TESC: variants seen among roughly 807,000 people sequenced by gnomAD.
TESC encodes the protein calcineurin B homologous protein 3.
TESC carries 19 observed loss-of-function variants against 31.0 expected under a neutral mutation model. The observed-to-expected ratio is 0.61, with a 90% confidence interval of 0.43 to 0.90. TESC has a LOEUF of 0.90. TESC is among the 40% of genes least tolerant of loss of function. TESC has a pLI of 0.00. For synonymous variants in TESC, 109 were observed against 114.8 expected (o/e 0.95, Z 0.32); for missense variants, 248 against 303.8 (o/e 0.82, Z 1.36).
chr12:117,086,580 A>C (rs531109555), intron 1 of TESC, among the ~76,000 whole-genome samples: 4 of 151,928 alleles, frequency 2.6e-5, no homozygotes, highest in Admixed American at 6.6e-5. Flanking sequence ...CTACAGGTGC[A>C]CACCACAGCA....
chr12:117,080,743 A>G (rs928922411), intron 1 of TESC, among the ~76,000 whole-genome samples: 8 of 152,064 alleles, frequency 5.3e-5, no homozygotes, highest in Non-Finnish European at 8.8e-5. Context: ...GCTTCCTCCT[A>G]ACTGCGCCCC....
At chr12:117,041,044 G>A (rs1252134623) in intron 7 of TESC, among the ~76,000 whole-genome samples, 1 of 140,920 alleles carries the variant, frequency 7.1e-6, no homozygotes, top group African/African-American at 2.5e-5. Flanking sequence ...GGGGGAGGGG[G>A]ATGGGGACAG....
chr12:117,046,938 A>C lies in TESC; in HGVS notation c.350-100T>G, dbSNP rs1410387301. 3.9e-6 allele frequency: 5 copies of C among 1,271,468 alleles called. No homozygotes were observed. The East Asian group carries it at 1.0e-4, about 26-fold the overall frequency. The allele number at this position is 1,271,468 out of a possible 1,614,324, so 78.8% of individuals were successfully genotyped here. On this transcript the variant is annotated intron_variant, in intron 4 of 7. Coordinates refer to ENST00000335209, the MANE Select transcript of TESC (RefSeq NM_017899.4). ...ACTAAGCAAAAGACACCAATAACCA[A>C]ACCTCAATGCCAAAGCCAGAGGGGT...
chr12:117,099,284 G>C lies in TESC; in HGVS notation c.-2C>G. The C allele has an allele frequency of 1.4e-6, 2 of 1,440,080 alleles. No individual in the cohort carries two copies. Among genetic ancestry groups the C allele is most frequent in the Non-Finnish European group, 1.8e-6 (2 of 1,102,750 alleles). The allele number at this position is 1,440,080 out of a possible 1,614,324, so 89.2% of individuals were successfully genotyped here. A position where few individuals can be genotyped will look rare whatever the true frequency, so the allele number is the denominator to read the frequency against. On this transcript the variant is annotated 5_prime_UTR_variant, in exon 1 of 8. Transcript: ENST00000335209. ...AGACGCGGAGTGGGCAGCGCCCATGGTGCCCGCGGCGGGGGCCCCGGGGCG... is the reference window on the plus strand; with the variant it reads ...AGACGCGGAGTGGGCAGCGCCCATGCTGCCCGCGGCGGGGGCCCCGGGGCG...
chr12:117,075,325 A>T lies in TESC; in HGVS notation c.74T>A (p.Ile25Asn). Residue 25 changes from isoleucine (I) to asparagine (N), a missense_variant, in exon 2 of 8, where the codon ATC becomes AAC. By Grantham distance (149) the Ile-to-Asn change is moderately radical. Coordinates refer to ENST00000335209, the MANE Select transcript of TESC (RefSeq NM_017899.4). Reference sequence around the variant, plus strand: ...CTTAAATCTCCGATGGAGCTGCTCGATCTGATCCGATGAGACTGAGAAGTG... The same window carrying T: ...CTTAAATCTCCGATGGAGCTGCTCGTTCTGATCCGATGAGACTGAGAAGTG... ...EGKTGFSSDQ[I>N]EQLHRRFKQL... The T allele has an allele frequency of 6.2e-7, 1 of 1,610,710 alleles. No homozygotes were observed. Among genetic ancestry groups the T allele is most frequent in the Non-Finnish European group, 8.5e-7 (1 of 1,179,840 alleles).
intron 1 of TESC, among the ~76,000 whole-genome samples, chr12:117,083,662 C>G (rs1163019220): frequency 1.3e-5 from 2 of 152,176 alleles, no homozygotes; most frequent in East Asian, 1.9e-4. Flanking sequence ...GTGTATGATC[C>G]CATTTACACG....
intron 1 of TESC, among the ~76,000 whole-genome samples, chr12:117,075,913 ATGTGTG>A (rs1172157385): frequency 1.9e-5 from 1 of 51,960 alleles, no homozygotes; most frequent in African/African-American, 1.0e-4. Flanking sequence ...ATATATATAT[ATGTGTG>A]TGTGTATATA....
Position 117,039,012 on chromosome 12 carries a change from C to A in TESC, c.*121G>T. 2.8e-6 allele frequency: 3 copies of A among 1,060,746 alleles called. No individual in the cohort carries two copies. The highest frequency in any genetic ancestry group is 2.8e-6 in the Non-Finnish European group (2 of 709,796). 65.7% of individuals were successfully genotyped at this position (1,060,746 alleles called of 1,614,324 possible). A position where few individuals can be genotyped will look rare whatever the true frequency, so the allele number is the denominator to read the frequency against. ...CCCTACAAGACACAAGGTGCGCAGA[C>A]GAGCCTTGGCTATGTACCGGCGCTG... On this transcript the variant is annotated 3_prime_UTR_variant, in exon 8 of 8. Transcript: ENST00000335209.
intron 1 of TESC, among the ~76,000 whole-genome samples, chr12:117,098,091 G>C (rs1048848002): frequency 9.9e-5 from 15 of 152,120 alleles, no homozygotes; most frequent in Admixed American, 9.8e-4. Flanking sequence ...TTTAGATTGG[G>C]GGTCAAGAGG....
At chr12:117,041,179 G>A (rs1236741445) in intron 7 of TESC, among the ~76,000 whole-genome samples, 1 of 152,210 alleles carries the variant, frequency 6.6e-6, no homozygotes, top group Non-Finnish European at 1.5e-5. Context: ...TCAGGGAGGA[G>A]GGCAGAGTGG....
chr12:117,040,676 G>A (rs113093070), intron 7 of TESC, among the ~76,000 whole-genome samples: 165 of 152,228 alleles, frequency 1.1e-3, no homozygotes, highest in South Asian at 4.6e-3. Context: ...CAGTCTGCCC[G>A]CCCTGCCAGC....
At chr12:117,076,447 G>C (rs930637370) in intron 1 of TESC, among the ~76,000 whole-genome samples, 1 of 152,062 alleles carries the variant, frequency 6.6e-6, no homozygotes, top group Admixed American at 6.5e-5. Flanking sequence ...ATTATCTCAG[G>C]TATTTTGTTT....
At position 117,054,769 on chromosome 12, in the gene TESC, C is replaced by T. The variant is rs111288537; in HGVS notation, c.209+2037G>A. On this transcript the variant is annotated intron_variant, in intron 3 of 7. Transcript: ENST00000335209. ...TCAAGACCCATCAGGGAAGCCCCCACGGTCTCATCACCACACCACGCCTGT... is the reference window on the plus strand; with the variant it reads ...TCAAGACCCATCAGGGAAGCCCCCATGGTCTCATCACCACACCACGCCTGT... Among the ~76,000 whole-genome samples, 944 of 152,288 alleles carry T rather than the reference C, an allele frequency of 6.2e-3. 6 individuals are homozygous for T. Among genetic ancestry groups the T allele is most frequent in the African/African-American group, 0.021 (868 of 41,562 alleles).
At chr12:117,073,244 T>G (rs1043453141) in intron 2 of TESC, among the ~76,000 whole-genome samples, 1 of 152,148 alleles carries the variant, frequency 6.6e-6, no homozygotes, top group African/African-American at 2.4e-5. Context: ...AACATTTGCA[T>G]GTCTGGTCTT....
At chr12:117,048,631 C>A in intron 4 of TESC, 1 of 452,124 alleles carries the variant, frequency 2.2e-6, no homozygotes, top group South Asian at 1.6e-5. Context: ...GTGCCAAAGG[C>A]TGACTGTGTG....
At chr12:117,076,534 T>A (rs7955319) in intron 1 of TESC, among the ~76,000 whole-genome samples, 5,017 of 151,902 alleles carry the variant, frequency 0.033, 312 homozygotes, top group African/African-American at 0.11. Context: ...CACCTCTGCC[T>A]CCGTGTTCCA....
At chr12:117,045,735 C>T (rs1013538722) in intron 6 of TESC, among the ~76,000 whole-genome samples, 4 of 152,236 alleles carry the variant, frequency 2.6e-5, no homozygotes, top group Non-Finnish European at 5.9e-5. Flanking sequence ...AACACAAAGC[C>T]GTCAGGGTGT....
chr12:117,040,359 G>A lies in TESC; in HGVS notation c.568-1149C>T, dbSNP rs190372010. On this transcript the variant is annotated intron_variant, in intron 7 of 7. Transcript: ENST00000335209. Reference sequence around the variant, plus strand: ...ACATGGTCGCTGAGGGCATTGGAAGGAATCAGGGAATGGGAAGGGCCAGCT... The same window carrying A: ...ACATGGTCGCTGAGGGCATTGGAAGAAATCAGGGAATGGGAAGGGCCAGCT... 7.9e-5 allele frequency among the ~76,000 whole-genome samples: 12 copies of A among 152,306 alleles called. No individual in the cohort carries two copies. In the East Asian group the frequency reaches 2.3e-3, roughly 29 times the overall value.
chr12:117,098,332 A>T (rs2135812063), intron 1 of TESC: 1 of 152,678 alleles, frequency 6.5e-6, no homozygotes, highest in East Asian at 1.9e-4. Context: ...ACAGCCAGGA[A>T]GTGCAGCTGG....
Sources: allele counts gnomAD v4.1 joint callset (sites outside exome capture counted in the v4.1 genomes callset), GRCh38; gene constraint gnomAD v4.1.1; transcripts MANE v1.5; gene names NCBI Gene and HGNC (gene_info 2026-07-23, HGNC 2026-07-21).